The following ARHGAP15 variants were observed in gnomAD, a reference collection of about 807,000 sequenced individuals.
The protein encoded by ARHGAP15 is Rho GTPase activating protein 15.
In ARHGAP15, 51 loss-of-function variants were observed where a neutral mutation model predicts 63.7. That is an observed-to-expected ratio of 0.80 (90% CI 0.64 to 1.01). The LOEUF (loss-of-function observed/expected upper bound fraction) is 1.01, where lower values mean the gene tolerates loss of function less well. ARHGAP15 is among the 50% of genes least tolerant of loss of function. The pLI, the probability that ARHGAP15 is intolerant of heterozygous loss-of-function variation, is 0.00. For synonymous variants in ARHGAP15, 191 were observed against 193.8 expected (o/e 0.99, Z 0.12); for missense variants, 560 against 564.6 (o/e 0.99, Z 0.08).
At chr2:143,628,342 A>T (rs1172192206) in intron 12 of ARHGAP15, among the ~76,000 whole-genome samples, 1 of 152,190 alleles carries the variant, frequency 6.6e-6, no homozygotes, top group Non-Finnish European at 1.5e-5. Flanking sequence ...ATGTATACCC[A>T]GTAATGGGAT....
intron 6 of ARHGAP15, among the ~76,000 whole-genome samples, chr2:143,361,509 G>A (rs1686052765): frequency 6.6e-6 from 1 of 152,122 alleles, no homozygotes; most frequent in African/African-American, 2.4e-5. Flanking sequence ...GATGTTAATG[G>A]TCACAGAAGA....
chr2:143,425,784 G>A (rs536976329), intron 6 of ARHGAP15, among the ~76,000 whole-genome samples: 34 of 152,142 alleles, frequency 2.2e-4, no homozygotes, highest in African/African-American at 8.0e-4. Context: ...GAATGATCAT[G>A]CTCTTTCATG....
chr2:143,168,208 G>A (rs1295066972), intron 2 of ARHGAP15, among the ~76,000 whole-genome samples: 5 of 151,866 alleles, frequency 3.3e-5, no homozygotes, highest in Non-Finnish European at 5.9e-5. Context: ...GTGTTGCTTG[G>A]GCTGGAGGGT....
intron 6 of ARHGAP15, among the ~76,000 whole-genome samples, chr2:143,408,649 A>G (rs764178033): frequency 6.6e-6 from 1 of 151,958 alleles, no homozygotes; most frequent in Non-Finnish European, 1.5e-5. Flanking sequence ...GAAATACATC[A>G]GTATTGTGTA....
intron 6 of ARHGAP15, among the ~76,000 whole-genome samples, chr2:143,365,492 G>T (rs145580241): frequency 1.6e-3 from 249 of 152,284 alleles, no homozygotes; most frequent in African/African-American, 5.9e-3. Flanking sequence ...TGCCGTAATT[G>T]TCAGGCATAT....
At chr2:143,446,786 A>T (rs1232229894) in intron 8 of ARHGAP15, among the ~76,000 whole-genome samples, 14 of 48,926 alleles carry the variant, frequency 2.9e-4, no homozygotes, top group Admixed American at 5.5e-4. Context: ...CCCTCCCCCC[A>T]CCCCACAACA....
intron 6 of ARHGAP15, among the ~76,000 whole-genome samples, chr2:143,384,822 A>G (rs1002339524): frequency 6.6e-6 from 1 of 151,672 alleles, no homozygotes; most frequent in Non-Finnish European, 1.5e-5. Flanking sequence ...AATTAATCCT[A>G]ACCTGTCCGG....
chr2:143,395,922 T>C (rs183557462), intron 6 of ARHGAP15, among the ~76,000 whole-genome samples: 2 of 151,866 alleles, frequency 1.3e-5, no homozygotes, highest in East Asian at 1.9e-4. Context: ...ACAAGGTGAG[T>C]TGGTCCTGGT....
intron 5 of ARHGAP15, chr2:143,237,108 T>G (rs1693684064): frequency 6.6e-6 from 1 of 152,150 alleles, no homozygotes; most frequent in Admixed American, 6.6e-5. Context: ...ATATGAAATA[T>G]TCTCAAATTA....
At chr2:143,262,168 C>G (rs1435787908) in intron 6 of ARHGAP15, among the ~76,000 whole-genome samples, 1 of 152,138 alleles carries the variant, frequency 6.6e-6, no homozygotes, top group Admixed American at 6.5e-5. Flanking sequence ...CCAGCTGCAG[C>G]TGTAGTGACA....
At position 143,447,074 on chromosome 2, in the gene ARHGAP15, C is replaced by G. The variant is rs374190505; in HGVS notation, c.703+10032C>G. Among the ~76,000 whole-genome samples, 61 of 151,970 alleles carry G rather than the reference C, an allele frequency of 4.0e-4. 1 individual carries two copies. Among genetic ancestry groups the G allele is most frequent in the African/African-American group, 1.1e-3 (46 of 41,442 alleles). ...CCAAGTCTTTGCTATTGTGAATAGT[C>G]CCGCAATAAACATACGTGTGCATGT... On this transcript the variant is annotated intron_variant, in intron 8 of 13. Transcript: ENST00000295095.
intron 2 of ARHGAP15, among the ~76,000 whole-genome samples, chr2:143,163,722 AG>A (rs1332408559): frequency 6.6e-6 from 1 of 152,090 alleles, no homozygotes; most frequent in African/African-American, 2.4e-5. Context: ...TATAGTACCT[AG>A]TTTTTGCCCT....
rs141255008 is a variant in ARHGAP15, at chr2:143,436,150, T to C, written c.573+451T>C. ...CAGCTAAGCTAGATTGTTCTTCTTA[T>C]GAAAATTACATATCTAGAACTTCAT... On this transcript the variant is annotated intron_variant, in intron 7 of 13. Coordinates refer to ENST00000295095, the MANE Select transcript of ARHGAP15 (RefSeq NM_018460.4). Among the ~76,000 whole-genome samples, 231 of 152,290 alleles carry C rather than the reference T, an allele frequency of 1.5e-3. 1 individual carries two copies. The highest frequency in any genetic ancestry group is 5.1e-3 in the African/African-American group (210 of 41,584).
intron 12 of ARHGAP15, among the ~76,000 whole-genome samples, chr2:143,669,666 G>A (rs1015345264): frequency 4.6e-5 from 7 of 152,124 alleles, no homozygotes; most frequent in Admixed American, 1.3e-4. Flanking sequence ...TTTCATAAAG[G>A]CACTAATCCC....
At chr2:143,603,295 A>C (rs1697850250) in intron 11 of ARHGAP15, among the ~76,000 whole-genome samples, 1 of 152,062 alleles carries the variant, frequency 6.6e-6, no homozygotes, top group Non-Finnish European at 1.5e-5. Context: ...TGCAGGAAAA[A>C]TCCTTTTTTC....
intron 11 of ARHGAP15, among the ~76,000 whole-genome samples, chr2:143,594,889 G>A (rs568665461): frequency 5.3e-5 from 8 of 152,164 alleles, no homozygotes; most frequent in Non-Finnish European, 1.2e-4. Context: ...GGTTATGACA[G>A]AAGGTGACAA....
chr2:143,590,958 T>TC, intron 11 of ARHGAP15, among the ~76,000 whole-genome samples: 1 of 151,820 alleles, frequency 6.6e-6, no homozygotes, highest in Admixed American at 6.6e-5. Flanking sequence ...TCTCTCTCTC[T>TC]TGATTCAGTA....
chr2:143,611,525 C>CT (rs1270980144), intron 11 of ARHGAP15, among the ~76,000 whole-genome samples: 2 of 152,170 alleles, frequency 1.3e-5, no homozygotes, highest in Non-Finnish European at 2.9e-5. Context: ...AGCACAGCGG[C>CT]TGGCACATGA....
chr2:143,278,398 A>AGAG (rs1299612224), intron 6 of ARHGAP15, among the ~76,000 whole-genome samples: 1 of 152,146 alleles, frequency 6.6e-6, no homozygotes, highest in African/African-American at 2.4e-5. Flanking sequence ...ATAACCTGCG[A>AGAG]GAGGAATGGA....
Sources: gnomAD v4.1 joint callset for allele counts (sites outside exome capture counted in the v4.1 genomes callset) on GRCh38, gnomAD v4.1.1 for gene constraint, MANE v1.5 for transcripts, NCBI Gene and HGNC (gene_info 2026-07-23, HGNC 2026-07-21) for gene names.